The following SLC12A6 variants were observed in gnomAD, a reference collection of about 807,000 sequenced individuals.
SLC12A6 encodes the protein K-Cl cotransporter 3.
SLC12A6 carries 66 observed loss-of-function variants against 135.3 expected under a neutral mutation model. The ratio of observed to expected loss-of-function variants is 0.49; its 90% confidence interval spans 0.40 to 0.60. SLC12A6 has a LOEUF of 0.60. Ranked by LOEUF, SLC12A6 falls within the 20% of genes least tolerant of loss-of-function variation. SLC12A6 has a pLI of 0.00. For missense variants in SLC12A6, 1,058 were observed against 1,452.3 expected, an observed-to-expected ratio of 0.73 and a Z score of 4.41; for synonymous variants, 513 against 508.8, an observed-to-expected ratio of 1.01 and a Z score of -0.11.
chr15:34,274,110 A>T (rs1409410065), intron 3 of SLC12A6, among the ~76,000 whole-genome samples: 1 of 152,206 alleles, frequency 6.6e-6, no homozygotes, highest in Non-Finnish European at 1.5e-5. Context: ...TTGGAAATAC[A>T]TGCTCATGAG....
Position 34,238,393 on chromosome 15 carries a change from G to A in SLC12A6, c.2641C>T (p.Arg881Ter). The part of the protein sequence containing the change: ...RAWKTFIGTV[R>*]VTTAAHLALL... Reference sequence around the variant, plus strand: ...GCAAGATGGGCAGCAGTTGTCACTCGAACTGTGCCTAGGGAGAAAAAAGAA... The same window carrying A: ...GCAAGATGGGCAGCAGTTGTCACTCAAACTGTGCCTAGGGAGAAAAAAGAA... Residue 881 changes from arginine (R) to a stop codon, truncating the protein, a stop_gained, in exon 21 of 26, where the codon CGA (arginine) becomes TGA (stop). Coordinates refer to ENST00000354181, the MANE Select transcript of SLC12A6 (RefSeq NM_001365088.1). LOFTEE classifies it high-confidence loss of function. 6.2e-7 allele frequency: 1 copy of A among 1,612,494 alleles called. No homozygotes were observed. Among genetic ancestry groups the A allele is most frequent in the Non-Finnish European group, 8.5e-7 (1 of 1,178,582 alleles).
intron 2 of SLC12A6, among the ~76,000 whole-genome samples, chr15:34,289,966 C>G (rs1895398597): frequency 6.6e-6 from 1 of 152,150 alleles, no homozygotes; most frequent in Non-Finnish European, 1.5e-5. Context: ...TTTTGTGTCC[C>G]TATCTCCTTC....
chr15:34,241,099 T>C, intron 18 of SLC12A6, 134 bp downstream of exon 18: 2 of 700,830 alleles, frequency 2.9e-6, no homozygotes, highest in Non-Finnish European at 5.2e-6. Flanking sequence ...AAATTAAGGA[T>C]TTAGAATAGT....
chr15:34,286,808 T>C (rs770484783), intron 2 of SLC12A6, among the ~76,000 whole-genome samples: 1 of 152,108 alleles, frequency 6.6e-6, no homozygotes, highest in Non-Finnish European at 1.5e-5. Context: ...AATTTCCCTA[T>C]GTGCATTAAT....
At chr15:34,307,154 A>G (rs1459415505) in intron 2 of SLC12A6, among the ~76,000 whole-genome samples, 2 of 152,210 alleles carry the variant, frequency 1.3e-5, no homozygotes, top group African/African-American at 4.8e-5. Context: ...TGTACAGTTA[A>G]CTTTATGTCA....
intron 2 of SLC12A6, among the ~76,000 whole-genome samples, chr15:34,281,658 C>T (rs569545140): frequency 6.6e-6 from 1 of 152,238 alleles, no homozygotes; most frequent in African/African-American, 2.4e-5. Flanking sequence ...CATGGTGGCG[C>T]ATGCCTGTAG....
intron 24 of SLC12A6, 38 bp from the exon 25 acceptor site, chr15:34,235,352 G>A: frequency 1.3e-6 from 2 of 1,580,250 alleles, no homozygotes; most frequent in South Asian, 2.2e-5. Flanking sequence ...AAGGTAAAAA[G>A]ACAACTAGCC....
chr15:34,283,741 G>A (rs1445526425), intron 2 of SLC12A6, among the ~76,000 whole-genome samples: 2 of 150,636 alleles, frequency 1.3e-5, no homozygotes, highest in Non-Finnish European at 2.9e-5. Context: ...GACGTAAAAC[G>A]ACTGAAAGGT....
intron 2 of SLC12A6, among the ~76,000 whole-genome samples, chr15:34,286,349 T>TA (rs1055551425): frequency 7.9e-5 from 12 of 151,952 alleles, no homozygotes; most frequent in African/African-American, 2.4e-4. Flanking sequence ...GTGTTGGGAT[T>TA]ACAGGCGTGA....
rs1890862519 is a variant in SLC12A6 at position 34,230,628 on chromosome 15, ATTTCC to A, written c.*3248_*3252del. On this transcript the variant is annotated 3_prime_UTR_variant, in exon 26 of 26. Transcript: ENST00000354181. ...GCGGGATCTTATTCAAAAGGCAGGT[ATTTCC>A]TTTGTTTTCTGTCTTGAAATAGCCC... 2 of 152,616 alleles carry A rather than the reference ATTTCC, an allele frequency of 1.3e-5. No individual in the cohort carries two copies. The highest frequency in any genetic ancestry group is 3.8e-4 in the East Asian group (2 of 5,206). The allele number at this position is 152,616 out of a possible 1,614,324, so 9.5% of individuals were successfully genotyped here.
At position 34,252,283 on chromosome 15, in the gene SLC12A6, C is replaced by A. The variant is rs202183544; in HGVS notation, c.1220G>T (p.Gly407Val). ...NNMTVPSKLWGFFCNSSQFFN... is the reference protein window; with the variant it reads ...NNMTVPSKLWVFFCNSSQFFN... The stretch of plus-strand genomic sequence containing the variant: ...AAATTGACTCGAGTTACAGAAGAAT[C>A]CCCATAACTTTGATGGGACTGTCAT... The change falls in exon 10 of 26, where the codon GGA (glycine) becomes GTA (valine). Residue 407 changes from glycine (G) to valine (V), a missense_variant. By Grantham distance (109) the Gly-to-Val change is moderately radical. This residue lies in a region of SLC12A6 where 297 missense variants were observed against 318.5 expected (regional missense o/e 0.93). Transcript: ENST00000354181. 1.3e-5 allele frequency: 21 copies of A among 1,603,834 alleles called. No homozygotes were observed. The highest frequency in any genetic ancestry group is 1.7e-4 in the Middle Eastern group (1 of 6,048).
chr15:34,330,799 A>G (rs1355701524), intron 2 of SLC12A6, among the ~76,000 whole-genome samples: 1 of 152,226 alleles, frequency 6.6e-6, no homozygotes, highest in African/African-American at 2.4e-5. Flanking sequence ...ATAGTATTCA[A>G]TAATTATATA....
intron 3 of SLC12A6, among the ~76,000 whole-genome samples, chr15:34,269,206 T>G (rs1893738836): frequency 6.6e-6 from 1 of 152,162 alleles, no homozygotes; most frequent in African/African-American, 2.4e-5. Context: ...AATGCTGACA[T>G]TTTTGGGAAA....
intron 3 of SLC12A6, among the ~76,000 whole-genome samples, chr15:34,274,861 G>A (rs1894193923): frequency 6.6e-6 from 1 of 152,028 alleles, no homozygotes. Flanking sequence ...CTTTAAAGAA[G>A]TGGTACCCAG....
chr15:34,287,811 T>C (rs953551895), intron 2 of SLC12A6, among the ~76,000 whole-genome samples: 1 of 152,214 alleles, frequency 6.6e-6, no homozygotes, highest in African/African-American at 2.4e-5. Context: ...CTTTGCCCAT[T>C]TTTTGATGGG....
In SLC12A6 at chr15:34,297,347, TAAAC is replaced by T. The variant is rs373519182; in HGVS notation, c.272-21962_272-21959del. On this transcript the variant is annotated intron_variant, in intron 2 of 25. Coordinates refer to ENST00000354181, the MANE Select transcript of SLC12A6 (RefSeq NM_001365088.1). ...GACTCAATTTAAGAAAAAAATTAAA[TAAAC>T]ACAAAGATGATCCATAAAAATAGAA... 1.0e-3 allele frequency among the ~76,000 whole-genome samples: 158 copies of T among 152,180 alleles called. 2 individuals are homozygous for T. Among genetic ancestry groups the T allele is most frequent in the African/African-American group, 3.8e-3 (157 of 41,538 alleles).
At chr15:34,294,891 G>A (rs906707807) in intron 2 of SLC12A6, among the ~76,000 whole-genome samples, 12 of 152,088 alleles carry the variant, frequency 7.9e-5, no homozygotes, top group South Asian at 2.1e-4. Flanking sequence ...AATAATCCAC[G>A]TTAGCTTTTA....
intron 25 of SLC12A6, among the ~76,000 whole-genome samples, chr15:34,234,405 T>C (rs1891117961): frequency 6.6e-6 from 1 of 152,046 alleles, no homozygotes; most frequent in Non-Finnish European, 1.5e-5. Flanking sequence ...CAGAATTTCC[T>C]CTTGTTGCCC....
intron 20 of SLC12A6, 119 bp from the exon 21 acceptor site, chr15:34,238,520 T>C (rs1049061216): frequency 2.6e-6 from 2 of 770,056 alleles, no homozygotes; most frequent in Admixed American, 4.1e-5. Context: ...CCTATTTACT[T>C]AGTAGGTTAT....
Sources: allele counts gnomAD v4.1 joint callset (sites outside exome capture counted in the v4.1 genomes callset), GRCh38; gene constraint gnomAD v4.1.1; regional missense constraint gnomAD v4.1.1; transcripts MANE v1.5; gene names NCBI Gene and HGNC (gene_info 2026-07-23, HGNC 2026-07-21).